The following TBL2 variants were observed in gnomAD, a reference collection of about 807,000 sequenced individuals.
The protein encoded by TBL2 is transducin beta-like protein 2.
In TBL2, 33 loss-of-function variants were observed where a neutral mutation model predicts 41.8. That is an observed-to-expected ratio of 0.79 (90% CI 0.60 to 1.06). The LOEUF (loss-of-function observed/expected upper bound fraction) is 1.06. Among genes scored for constraint, TBL2 ranks in the 50% least tolerant of loss-of-function variants. The pLI, the probability that TBL2 is intolerant of heterozygous loss-of-function variation, is 0.00. For missense variants in TBL2, 522 were observed against 603.8 expected (o/e 0.86, Z 1.42); for synonymous variants, 239 against 241.7 (o/e 0.99, Z 0.10).
intron 1 of TBL2, among the ~76,000 whole-genome samples, chr7:73,575,749 A>G (rs1793272564): frequency 6.6e-6 from 1 of 152,044 alleles, no homozygotes; most frequent in Admixed American, 6.6e-5. Context: ...GGTTTTCTTA[A>G]AGAGAGGTTG....
Position 73,574,314 on chromosome 7 carries a change from G to A in TBL2, c.261+69C>T. 5 of 1,597,058 alleles carry A rather than the reference G, an allele frequency of 3.1e-6. No homozygotes were observed. The South Asian group carries it at 3.4e-5, about 11-fold the overall frequency. ...GGCAGGAGAGCCTGTAACATGCATG[G>A]AATACTCCAGAGGAAAAGCCTGTGG... On this transcript the variant is annotated intron_variant, in intron 2 of 6. Coordinates refer to ENST00000305632, the MANE Select transcript of TBL2 (RefSeq NM_012453.4).
At chr7:73,577,265 A>C (rs34750211) in intron 1 of TBL2, among the ~76,000 whole-genome samples, 13,413 of 59,292 alleles carry the variant, frequency 0.23, 855 homozygotes, top group Non-Finnish European at 0.27. Flanking sequence ...GTCCCCCTGC[A>C]AAAAAAAAAA....
At chr7:73,572,251 C>T (rs556370380) in intron 5 of TBL2, among the ~76,000 whole-genome samples, 4 of 152,150 alleles carry the variant, frequency 2.6e-5, no homozygotes, top group Admixed American at 2.6e-4. Flanking sequence ...GAGTTCAGGA[C>T]CAGCCTGGGC....
At position 73,570,374 on chromosome 7, in the gene TBL2, A is replaced by G; in HGVS notation, c.*133T>C. On this transcript the variant is annotated 3_prime_UTR_variant, in exon 7 of 7. Coordinates refer to ENST00000305632, the MANE Select transcript of TBL2 (RefSeq NM_012453.4). Reference sequence around the variant, plus strand: ...GTAGACAAGAGTAGTTTCAATGGGAAGAAGCAGGGCCACCAGTAAGAAAAC... The same window carrying G: ...GTAGACAAGAGTAGTTTCAATGGGAGGAAGCAGGGCCACCAGTAAGAAAAC... 7.2e-7 allele frequency: 1 copy of G among 1,392,350 alleles called. No individual in the cohort carries two copies. The highest frequency in any genetic ancestry group is 9.4e-7 in the Non-Finnish European group (1 of 1,068,614). The allele number at this position is 1,392,350 out of a possible 1,614,324, so 86.2% of individuals were successfully genotyped here.
chr7:73,570,305 C>G lies in TBL2; in HGVS notation c.*202G>C. 1.1e-6 allele frequency: 1 copy of G among 916,160 alleles called. No homozygotes were observed. The highest frequency in any genetic ancestry group is 1.5e-6 in the Non-Finnish European group (1 of 657,886). 56.8% of individuals were successfully genotyped at this position (916,160 alleles called of 1,614,324 possible). ...GGGAGGAAGAAAAGCACCTTGGCCA[C>G]TAGTCAGGGAGGAGTCACAGCCAGC... On this transcript the variant is annotated 3_prime_UTR_variant, in exon 7 of 7. Coordinates refer to ENST00000305632, the MANE Select transcript of TBL2 (RefSeq NM_012453.4).
chr7:73,574,709 C>T, intron 1 of TBL2, 196 bp from the exon 2 acceptor site: 3 of 699,284 alleles, frequency 4.3e-6, no homozygotes, highest in Non-Finnish European at 7.2e-6. Context: ...GCCTGTAATC[C>T]CAATGCTTTG....
intron 1 of TBL2, chr7:73,576,803 G>A (rs1019159130): frequency 1.2e-5 from 5 of 429,272 alleles, no homozygotes; most frequent in Non-Finnish European, 2.4e-5. Flanking sequence ...ATGCTGTTTG[G>A]GGACTCCTTG....
In TBL2 at chr7:73,569,324, G is replaced by T. The variant is rs1464860772; in HGVS notation, c.*1183C>A. On this transcript the variant is annotated 3_prime_UTR_variant, in exon 7 of 7. Transcript: ENST00000305632. ...TTGTGGCTTGTTCCAACATTGAGAG[G>T]TCAGGGGCAACCAGGGGGGGTCATA... 1.3e-5 allele frequency: 2 copies of T among 152,112 alleles called. No individual in the cohort carries two copies. Among genetic ancestry groups the T allele is most frequent in the African/African-American group, 2.4e-5 (1 of 41,418 alleles). 9.4% of individuals were successfully genotyped at this position (152,112 alleles called of 1,614,324 possible).
chr7:73,578,573 A>T lies in TBL2; in HGVS notation c.-24T>A. ...ATGTTGGTGGAACCACTGCCACCTC[A>T]GCTAGTGAGTACGCGGGCGCCCGCA... is the stretch of plus-strand genomic sequence containing the variant. On this transcript the variant is annotated 5_prime_UTR_variant, in exon 1 of 7. Transcript: ENST00000305632. 8 of 1,532,792 alleles carry T rather than the reference A, an allele frequency of 5.2e-6. No individual in the cohort carries two copies. The highest frequency in any genetic ancestry group is 7.0e-6 in the Non-Finnish European group (8 of 1,136,400). 94.9% of individuals were successfully genotyped at this position (1,532,792 alleles called of 1,614,324 possible).
At chr7:73,575,535 C>T (rs1257157763) in intron 1 of TBL2, among the ~76,000 whole-genome samples, 1 of 152,128 alleles carries the variant, frequency 6.6e-6, no homozygotes, top group Non-Finnish European at 1.5e-5. Flanking sequence ...CCTTGTGATC[C>T]ACCCGCCTCG....
At chr7:73,577,243 G>C (rs1367127900) in intron 1 of TBL2, among the ~76,000 whole-genome samples, 1 of 129,686 alleles carries the variant, frequency 7.7e-6, no homozygotes, top group Non-Finnish European at 1.6e-5. Context: ...TTGGGCGACA[G>C]AGCAAAACTC....
Position 73,570,418 on chromosome 7 carries a change from A to G in TBL2, c.*89T>C. ...AGAAAACCAGGAGACTCCTTCTGAA[A>G]GGCTTCCACCTGGGAGGAAAGATGG... On this transcript the variant is annotated 3_prime_UTR_variant, in exon 7 of 7. Coordinates refer to ENST00000305632, the MANE Select transcript of TBL2 (RefSeq NM_012453.4). 7.0e-7 allele frequency: 1 copy of G among 1,426,552 alleles called. No individual in the cohort carries two copies. The highest frequency in any genetic ancestry group is 9.1e-7 in the Non-Finnish European group (1 of 1,095,592). 88.4% of individuals were successfully genotyped at this position (1,426,552 alleles called of 1,614,324 possible). A position where few individuals can be genotyped will look rare whatever the true frequency, so the allele number is the denominator to read the frequency against.
intron 3 of TBL2, 173 bp downstream of exon 3, chr7:73,573,765 C>T: frequency 1.2e-6 from 1 of 836,652 alleles, no homozygotes; most frequent in Non-Finnish European, 1.8e-6. Flanking sequence ...TGTATAGCAG[C>T]CCAGATCTCC....
chr7:73,568,282 T>A lies in TBL2; in HGVS notation c.*2225A>T, dbSNP rs1584016545. On this transcript the variant is annotated 3_prime_UTR_variant, in exon 7 of 7. Coordinates refer to ENST00000305632, the MANE Select transcript of TBL2 (RefSeq NM_012453.4). The stretch of plus-strand genomic sequence containing the variant: ...CTGCCCGGTGGTGCTCTCATTCCAG[T>A]GGGTTCAACAGTGAGCCAGAAGCTG... Among the ~76,000 whole-genome samples the A allele has an allele frequency of 6.6e-6, 1 of 152,034 alleles. No individual in the cohort carries two copies. The highest frequency in any genetic ancestry group is 6.6e-5 in the Admixed American group (1 of 15,260).
Position 73,572,962 on chromosome 7 carries a change from T to C in TBL2, c.607A>G (p.Ile203Val), listed in dbSNP as rs782781029. The C allele has an allele frequency of 3.1e-6, 5 of 1,614,016 alleles. No individual in the cohort carries two copies. The East Asian group carries it at 1.1e-4, about 36-fold the overall frequency. ...DIGIANTGKF[I>V]MTASSDTTVL... The stretch of plus-strand genomic sequence containing the variant: ...GTGGTGTCACTGGAGGCAGTCATGA[T>C]AAACTTCCCTGAGCGGGAAGGGAGT... Residue 203 changes from isoleucine to valine, a missense_variant, in exon 5 of 7, where the codon ATC becomes GTC. Ile to Val is a conservative substitution (Grantham distance 29). Coordinates refer to ENST00000305632, the MANE Select transcript of TBL2 (RefSeq NM_012453.4).
At position 73,570,469 on chromosome 7, in the gene TBL2, C is replaced by A; in HGVS notation, c.*38G>T. On this transcript the variant is annotated 3_prime_UTR_variant, in exon 7 of 7. Transcript: ENST00000305632. ...CAGCAGTGCCATGAGGAGGCCAGAT[C>A]CCTCCTCCTCAATCCTCTGCGCCGG... 1 of 1,454,750 alleles carries A rather than the reference C, an allele frequency of 6.9e-7. No individual in the cohort carries two copies. Among genetic ancestry groups the A allele is most frequent in the South Asian group, 1.4e-5 (1 of 69,198 alleles). The allele number at this position is 1,454,750 out of a possible 1,614,324, so 90.1% of individuals were successfully genotyped here. A position where few individuals can be genotyped will look rare whatever the true frequency, so the allele number is the denominator to read the frequency against.
chr7:73,572,930 G>T lies in TBL2; in HGVS notation c.639C>A (p.Leu213=). The T allele has an allele frequency of 6.2e-7, 1 of 1,614,224 alleles. No individual in the cohort carries two copies. The highest frequency in any genetic ancestry group is 8.5e-7 in the Non-Finnish European group (1 of 1,180,042). Residue 213 remains leucine (L), a synonymous_variant, in exon 5 of 7, where the codon CTC becomes CTA. Transcript: ENST00000305632. ...IMTASSDTTV[L]IWSLKGQVLS... ...GCACTTGACCCTTCAGGCTCCAGATGAGGACAGTGGTGTCACTGGAGGCAG... is the reference window on the plus strand; with the variant it reads ...GCACTTGACCCTTCAGGCTCCAGATTAGGACAGTGGTGTCACTGGAGGCAG...
rs1435565855 is a variant in TBL2 at position 73,572,908 on chromosome 7, C to T, written c.661G>A (p.Val221Met). The T allele has an allele frequency of 4.3e-6, 7 of 1,614,074 alleles. No individual in the cohort carries two copies. The highest frequency in any genetic ancestry group is 1.6e-4 in the Middle Eastern group (1 of 6,084). Reference protein sequence around the residue: ...TVLIWSLKGQVLSTINTNQMN... With the variant: ...TVLIWSLKGQMLSTINTNQMN... The stretch of plus-strand genomic sequence containing the variant: ...TGGTTGGTGTTGATGGTAGACAGCA[C>T]TTGACCCTTCAGGCTCCAGATGAGG... Residue 221 changes from valine to methionine, a missense_variant, in exon 5 of 7, where the codon GTG becomes ATG. Physicochemically the swap from Val to Met is conservative, Grantham distance 21 (BLOSUM62 1). Transcript: ENST00000305632.
intron 1 of TBL2, among the ~76,000 whole-genome samples, chr7:73,576,925 C>G (rs1186310012): frequency 6.6e-6 from 1 of 152,030 alleles, no homozygotes; most frequent in Non-Finnish European, 1.5e-5. Flanking sequence ...GCCCCCTATT[C>G]TCAGTAATGA....
Sources: gnomAD v4.1 joint callset for allele counts (sites outside exome capture counted in the v4.1 genomes callset) on GRCh38, gnomAD v4.1.1 for gene constraint, MANE v1.5 for transcripts, NCBI Gene and HGNC (gene_info 2026-07-23, HGNC 2026-07-21) for gene names.